KDM4B: variants seen among roughly 807,000 people sequenced by gnomAD.
The protein encoded by KDM4B is lysine demethylase 4B, also known as lysine-specific demethylase 4B.
A neutral mutation model predicts 125.2 loss-of-function variants in KDM4B; 32 were observed. The ratio of observed to expected loss-of-function variants is 0.26; its 90% CI spans 0.19 to 0.34. The LOEUF (loss-of-function observed/expected upper bound fraction) is 0.34. Ranked by LOEUF, KDM4B falls within the 10% of genes least tolerant of loss-of-function variation. The pLI is 1.00. For missense variants in KDM4B, 1,190 were observed against 1,577.7 expected, an observed-to-expected ratio of 0.75 and a Z score of 4.16; for synonymous variants, 721 against 677.9, an observed-to-expected ratio of 1.06 and a Z score of -0.99.
chr19:5,007,452 A>T (rs1269462166), intron 1 of KDM4B, among the ~76,000 whole-genome samples: 1 of 151,624 alleles, frequency 6.6e-6, no homozygotes, highest in Non-Finnish European at 1.5e-5. Flanking sequence ...AGAGTTGTTG[A>T]CATATTCTGC....
At chr19:5,148,268 C>T (rs1026765632) in intron 21 of KDM4B, among the ~76,000 whole-genome samples, 2 of 152,210 alleles carry the variant, frequency 1.3e-5, no homozygotes, top group Non-Finnish European at 2.9e-5. Flanking sequence ...AGTGAAAGCA[C>T]GTTCCAGGGA....
intron 6 of KDM4B, among the ~76,000 whole-genome samples, chr19:5,050,303 G>A (rs763509368): frequency 6.6e-6 from 1 of 152,252 alleles, no homozygotes; most frequent in Non-Finnish European, 1.5e-5. Flanking sequence ...GCTGGCTTCT[G>A]TGGTGCTCTC....
intron 18 of KDM4B, among the ~76,000 whole-genome samples, chr19:5,143,688 C>T (rs1476575788): frequency 1.3e-5 from 2 of 152,066 alleles, no homozygotes; most frequent in African/African-American, 2.4e-5. Context: ...GAGAGGACTC[C>T]CCGGGGGCTG....
chr19:4,980,999 G>A (rs2034620907), intron 1 of KDM4B, among the ~76,000 whole-genome samples: 1 of 152,188 alleles, frequency 6.6e-6, no homozygotes, highest in Non-Finnish European at 1.5e-5. Context: ...AGGCTTTGAG[G>A]TGCAGTGGCC....
intron 2 of KDM4B, among the ~76,000 whole-genome samples, chr19:5,018,189 C>T (rs1599423896): frequency 1.3e-5 from 2 of 152,320 alleles, no homozygotes; most frequent in African/African-American, 4.8e-5. Flanking sequence ...CAGGCATGCA[C>T]ACCACACCTG....
Position 5,119,834 on chromosome 19 carries a change from G to A in KDM4B, c.1297G>A (p.Glu433Lys), listed in dbSNP as rs2039328207. ...GCCGCAGCCACTGCCACACGGCCGG[G>A]AGGCCGAGGGCGCAGAAGGTCAGTC... ...EEPQPLPHGREAEGAEEDGRG... is the reference protein window; with the variant it reads ...EEPQPLPHGRKAEGAEEDGRG... The change falls in exon 11 of 23, where the codon GAG becomes AAG. Residue 433 changes from glutamate (E) to lysine (K), a missense_variant. Coordinates refer to ENST00000159111, the MANE Select transcript of KDM4B (RefSeq NM_015015.3). 3 of 1,545,726 alleles carry A rather than the reference G, an allele frequency of 1.9e-6. No individual in the cohort carries two copies. The highest frequency in any genetic ancestry group is 2.6e-6 in the Non-Finnish European group (3 of 1,145,924).
chr19:4,986,085 C>G (rs1371495710), intron 1 of KDM4B, among the ~76,000 whole-genome samples: 1 of 152,228 alleles, frequency 6.6e-6, no homozygotes. Context: ...GGTCCCCTCT[C>G]TGGTGCCCCG....
At chr19:4,985,444 G>A (rs1363218236) in intron 1 of KDM4B, among the ~76,000 whole-genome samples, 4 of 152,264 alleles carry the variant, frequency 2.6e-5, no homozygotes, top group African/African-American at 9.6e-5. Context: ...GGGGCCCTCC[G>A]TGGGCTCCAG....
At chr19:5,121,942 C>T (rs534443740) in intron 11 of KDM4B, among the ~76,000 whole-genome samples, 2 of 152,230 alleles carry the variant, frequency 1.3e-5, no homozygotes, top group East Asian at 3.9e-4. Context: ...ATAGGAATCC[C>T]GGAGCAGTGG....
chr19:4,998,421 C>G (rs1209316244), intron 1 of KDM4B, among the ~76,000 whole-genome samples: 1 of 152,208 alleles, frequency 6.6e-6, no homozygotes, highest in Non-Finnish European at 1.5e-5. Flanking sequence ...TTCCCAGACA[C>G]CTTTCACCCA....
Position 5,115,738 on chromosome 19 carries a change from G to C in KDM4B, c.1116-3915G>C, listed in dbSNP as rs574404979. On this transcript the variant is annotated intron_variant, in intron 10 of 22. Transcript: ENST00000159111. This position sits in a 1 kb window ranked among gnomAD's most constrained non-coding sequence, Gnocchi z 4.2. ...GCATTATGGAAAAAGAGCCATTGCTGTGAAGAAGAAACATTCCAGGAACGA... is the reference window on the plus strand; with the variant it reads ...GCATTATGGAAAAAGAGCCATTGCTCTGAAGAAGAAACATTCCAGGAACGA... Among the ~76,000 whole-genome samples, 2 of 152,352 alleles carry C rather than the reference G, an allele frequency of 1.3e-5. No homozygotes were observed. Among genetic ancestry groups the C allele is most frequent in the African/African-American group, 4.8e-5 (2 of 41,582 alleles).
intron 9 of KDM4B, among the ~76,000 whole-genome samples, chr19:5,103,088 C>T (rs2038969049): frequency 6.6e-6 from 1 of 152,200 alleles, no homozygotes; most frequent in South Asian, 2.1e-4. Flanking sequence ...CAGTTGGGGG[C>T]ACCCCCTTTT....
intron 1 of KDM4B, among the ~76,000 whole-genome samples, chr19:4,980,355 A>G (rs963549729): frequency 4.7e-5 from 7 of 150,458 alleles, no homozygotes; most frequent in Non-Finnish European, 8.8e-5. Context: ...GGCTTCTCTC[A>G]GTGGGCGTGA....
At chr19:5,073,352 C>T (rs115367707) in intron 7 of KDM4B, among the ~76,000 whole-genome samples, 2,109 of 152,372 alleles carry the variant, frequency 0.014, 53 homozygotes, top group African/African-American at 0.047. Flanking sequence ...GGGATGCAGG[C>T]GCAGCCTGGG....
At chr19:5,124,603 T>A (rs2039418530) in intron 11 of KDM4B, among the ~76,000 whole-genome samples, 1 of 152,186 alleles carries the variant, frequency 6.6e-6, no homozygotes, top group African/African-American at 2.4e-5. Flanking sequence ...CTTTTCCTTT[T>A]CCTTTCCTTT....
chr19:4,973,833 A>AC (rs2034345673), intron 1 of KDM4B, among the ~76,000 whole-genome samples: 1 of 150,692 alleles, frequency 6.6e-6, no homozygotes, highest in South Asian at 2.1e-4. Flanking sequence ...TTAAAAAAAA[A>AC]AAAAAAAAAA....
At chr19:4,992,635 A>G (rs1440977576) in intron 1 of KDM4B, among the ~76,000 whole-genome samples, 1 of 152,042 alleles carries the variant, frequency 6.6e-6, no homozygotes, top group African/African-American at 2.4e-5. Flanking sequence ...AATTTTGTGG[A>G]GAGGAGGTCT....
intron 7 of KDM4B, among the ~76,000 whole-genome samples, chr19:5,072,579 A>G (rs1276107350): frequency 6.6e-6 from 1 of 152,236 alleles, no homozygotes; most frequent in Non-Finnish European, 1.5e-5. Flanking sequence ...AAGAAAAGCT[A>G]GATTAAAGCA....
At position 5,114,644 on chromosome 19, in the gene KDM4B, G is replaced by C. The variant is rs1043395134; in HGVS notation, c.1115+3826G>C. 3.9e-5 allele frequency among the ~76,000 whole-genome samples: 6 copies of C among 152,158 alleles called. No homozygotes were observed. Among genetic ancestry groups the C allele is most frequent in the Non-Finnish European group, 5.9e-5 (4 of 68,014 alleles). On this transcript the variant is annotated intron_variant, in intron 10 of 22. Coordinates refer to ENST00000159111, the MANE Select transcript of KDM4B (RefSeq NM_015015.3). The surrounding 1 kb of genome is among the most constrained non-coding windows in gnomAD (Gnocchi z 5.8). Reference sequence around the variant, plus strand: ...TTCCTCAGCACAGGGTCTAGTCTTGGGGGTGGGGAGCACTGGGCCACTTTG... The same window carrying C: ...TTCCTCAGCACAGGGTCTAGTCTTGCGGGTGGGGAGCACTGGGCCACTTTG...
Sources: gnomAD v4.1 joint callset for allele counts (sites outside exome capture counted in the v4.1 genomes callset) on GRCh38, gnomAD v4.1.1 for gene constraint, Gnocchi (gnomAD v3.1) non-coding constraint, MANE v1.5 for transcripts, NCBI Gene and HGNC (gene_info 2026-07-23, HGNC 2026-07-21) for gene names.